GABRB1: variants seen among roughly 807,000 people sequenced by gnomAD.
GABRB1 encodes gamma-aminobutyric acid type A receptor subunit beta1, also known as gamma-aminobutyric acid receptor subunit beta-1.
In GABRB1, 17 loss-of-function variants were observed where a neutral mutation model predicts 51.6. The observed-to-expected ratio is 0.33, with a 90% CI of 0.23 to 0.49. The LOEUF (loss-of-function observed/expected upper bound fraction) is 0.49. GABRB1 is among the 20% of genes least tolerant of loss of function. The pLI is 0.99. For missense variants in GABRB1, 410 were observed against 600.6 expected, an observed-to-expected ratio of 0.68 and a Z score of 3.32; for synonymous variants, 247 against 218.9, an observed-to-expected ratio of 1.13 and a Z score of -1.14.
At chr4:47,126,236 G>T (rs1716137795) in intron 3 of GABRB1, among the ~76,000 whole-genome samples, 1 of 152,034 alleles carries the variant, frequency 6.6e-6, no homozygotes, top group Non-Finnish European at 1.5e-5. Context: ...ATGTAAAAAA[G>T]GTGAACTCAA....
At chr4:47,293,510 C>A (rs1318439958) in intron 4 of GABRB1, among the ~76,000 whole-genome samples, 1 of 152,060 alleles carries the variant, frequency 6.6e-6, no homozygotes. Context: ...TTTTCAGGAG[C>A]ACTCTGGGAA....
At chr4:47,204,266 C>A (rs1720023204) in intron 4 of GABRB1, among the ~76,000 whole-genome samples, 1 of 152,096 alleles carries the variant, frequency 6.6e-6, no homozygotes, top group African/African-American at 2.4e-5. Flanking sequence ...TGCAATTTCT[C>A]TGTCTGTATT....
chr4:47,055,782 G>A (rs754873428), intron 3 of GABRB1, among the ~76,000 whole-genome samples: 16 of 152,052 alleles, frequency 1.1e-4, no homozygotes, highest in East Asian at 1.9e-4. Context: ...GGCACCTTGC[G>A]TGTTCATGGT....
intron 3 of GABRB1, among the ~76,000 whole-genome samples, chr4:47,141,249 C>A (rs1716920261): frequency 6.6e-6 from 1 of 151,946 alleles, no homozygotes; most frequent in South Asian, 2.1e-4. Context: ...CATTTCTCAT[C>A]GTTGTTCCCG....
chr4:47,067,506 G>T (rs1577876784), intron 3 of GABRB1, among the ~76,000 whole-genome samples: 1 of 152,118 alleles, frequency 6.6e-6, no homozygotes, highest in African/African-American at 2.4e-5. Context: ...TATCTTAGCT[G>T]AATCTTCTGG....
intron 4 of GABRB1, among the ~76,000 whole-genome samples, chr4:47,264,902 A>G (rs937496298): frequency 6.6e-6 from 1 of 152,228 alleles, no homozygotes; most frequent in African/African-American, 2.4e-5. Context: ...TATACAGGGA[A>G]TCATGCACTA....
chr4:47,312,218 C>T (rs1724718326), intron 4 of GABRB1, among the ~76,000 whole-genome samples: 1 of 152,080 alleles, frequency 6.6e-6, no homozygotes, highest in Admixed American at 6.6e-5. Context: ...ATTTTGCTTC[C>T]TCACACCTAA....
intron 5 of GABRB1, among the ~76,000 whole-genome samples, chr4:47,398,678 A>T (rs934503438): frequency 6.6e-6 from 1 of 151,388 alleles, no homozygotes; most frequent in African/African-American, 2.4e-5. Context: ...TCCGCCTCCC[A>T]GGTTCACGCC....
At chr4:47,086,369 A>C (rs1191711889) in intron 3 of GABRB1, among the ~76,000 whole-genome samples, 1 of 152,182 alleles carries the variant, frequency 6.6e-6, no homozygotes, top group Non-Finnish European at 1.5e-5. Context: ...TGATTATAAA[A>C]TTCTTAAGAT....
intron 5 of GABRB1, among the ~76,000 whole-genome samples, chr4:47,328,771 G>A (rs1553875472): frequency 4.6e-5 from 7 of 152,016 alleles, no homozygotes; most frequent in Non-Finnish European, 1.0e-4. Flanking sequence ...CTGTTGTGGG[G>A]AGGGGGGAGC....
chr4:47,376,372 C>G (rs1220156240), intron 5 of GABRB1, among the ~76,000 whole-genome samples: 1 of 152,210 alleles, frequency 6.6e-6, no homozygotes, highest in Non-Finnish European at 1.5e-5. Flanking sequence ...ATGGGCCGGG[C>G]GCAGTGGCTC....
intron 4 of GABRB1, among the ~76,000 whole-genome samples, chr4:47,222,911 C>T (rs1720815661): frequency 6.6e-6 from 1 of 152,094 alleles, no homozygotes; most frequent in Admixed American, 6.6e-5. Context: ...ATTCATTTCT[C>T]TCTTAGGTTT....
In GABRB1 at chr4:47,425,730, T is replaced by C. The variant is rs753404759; in HGVS notation, c.1137T>C (p.Ser379=). 71 of 1,613,748 alleles carry C rather than the reference T, an allele frequency of 4.4e-5. No homozygotes were observed. Among genetic ancestry groups the C allele is most frequent in the Non-Finnish European group, 5.6e-5 (66 of 1,179,882 alleles). Residue 379 remains serine, a synonymous_variant, in exon 9 of 9, where the codon AGT becomes AGC. Transcript: ENST00000295454. The stretch of plus-strand genomic sequence containing the variant: ...CCCTGGAAATCCGGAATGAGACGAG[T>C]GGCTCGGAAGTGCTCACGAGCGTGA... ...LSTLEIRNET[S]GSEVLTSVSD...
At chr4:47,320,255 A>T in intron 5 of GABRB1, 46 bp downstream of exon 5, 1 of 1,219,766 alleles carries the variant, frequency 8.2e-7, no homozygotes. Flanking sequence ...TTCTTCCTTG[A>T]CCCAGTTGAA....
intron 4 of GABRB1, among the ~76,000 whole-genome samples, chr4:47,191,251 T>C (rs1719431102): frequency 6.6e-6 from 1 of 152,192 alleles, no homozygotes; most frequent in African/African-American, 2.4e-5. Context: ...AACTCCTTTG[T>C]GCCTCAAGAT....
chr4:47,131,390 T>C (rs980803113), intron 3 of GABRB1, among the ~76,000 whole-genome samples: 7 of 152,196 alleles, frequency 4.6e-5, no homozygotes, highest in Non-Finnish European at 8.8e-5. Context: ...ACTCCTGACC[T>C]CAGATGATCT....
At chr4:47,305,239 C>A (rs558131540) in intron 4 of GABRB1, among the ~76,000 whole-genome samples, 1 of 152,058 alleles carries the variant, frequency 6.6e-6, no homozygotes, top group East Asian at 1.9e-4. Context: ...TTTGAGCATA[C>A]TTTTAGTAGT....
intron 4 of GABRB1, among the ~76,000 whole-genome samples, chr4:47,229,736 A>T (rs1332322504): frequency 6.6e-6 from 1 of 152,188 alleles, no homozygotes; most frequent in East Asian, 1.9e-4. Context: ...AAAGAGACAC[A>T]CAGAGAAGAT....
intron 4 of GABRB1, among the ~76,000 whole-genome samples, chr4:47,292,506 G>A (rs1723787771): frequency 6.6e-6 from 1 of 152,178 alleles, no homozygotes; most frequent in South Asian, 2.1e-4. Context: ...TCTAATAAAT[G>A]GAAAACCTAG....
Sources: gnomAD v4.1 joint callset for allele counts (sites outside exome capture counted in the v4.1 genomes callset) on GRCh38, gnomAD v4.1.1 for gene constraint, MANE v1.5 for transcripts, NCBI Gene and HGNC (gene_info 2026-07-23, HGNC 2026-07-21) for gene names.